The following KCTD16 variants were observed in gnomAD, a reference collection of about 807,000 sequenced individuals.
KCTD16 encodes potassium channel tetramerization domain containing 16, also known as BTB/POZ domain-containing protein KCTD16.
A neutral mutation model predicts 33.2 loss-of-function variants in KCTD16; 13 were observed. The observed-to-expected ratio is 0.39, with a 90% CI of 0.25 to 0.62. The LOEUF is 0.62. Among genes scored for constraint, KCTD16 ranks in the 20% least tolerant of loss-of-function variants. The pLI, the probability that KCTD16 is intolerant of heterozygous loss-of-function variation, is 0.50. For missense variants in KCTD16, 441 were observed against 525.1 expected (o/e 0.84, Z 1.57); for synonymous variants, 197 against 195.3 (o/e 1.01, Z -0.07).
intron 3 of KCTD16, among the ~76,000 whole-genome samples, chr5:144,441,201 A>G (rs897015202): frequency 2.6e-5 from 4 of 151,994 alleles, no homozygotes; most frequent in African/African-American, 4.8e-5. Flanking sequence ...ATTTCCTCCA[A>G]TTCCATGGGT....
intron 2 of KCTD16, among the ~76,000 whole-genome samples, chr5:144,181,675 G>A (rs1752628706): frequency 6.6e-6 from 1 of 152,202 alleles, no homozygotes; most frequent in African/African-American, 2.4e-5. Flanking sequence ...GTGACATAAA[G>A]CAGACATAGG....
intron 3 of KCTD16, among the ~76,000 whole-genome samples, chr5:144,316,738 C>A (rs1424881048): frequency 2.0e-5 from 3 of 151,680 alleles, no homozygotes; most frequent in African/African-American, 7.3e-5. Flanking sequence ...GTCTCAAATT[C>A]CTGACCTCAG....
intron 3 of KCTD16, among the ~76,000 whole-genome samples, chr5:144,218,355 T>C (rs10057828): frequency 0.084 from 12,763 of 152,124 alleles, 1,643 homozygotes; most frequent in African/African-American, 0.28. Context: ...GGAGAAAATA[T>C]TTAAATCTTT....
intron 3 of KCTD16, among the ~76,000 whole-genome samples, chr5:144,434,145 G>A (rs1400897333): frequency 1.3e-5 from 2 of 152,136 alleles, no homozygotes; most frequent in African/African-American, 2.4e-5. Context: ...ACCTGTTACA[G>A]TCAGCTTGTC....
intron 3 of KCTD16, among the ~76,000 whole-genome samples, chr5:144,254,236 A>G (rs536757066): frequency 9.9e-5 from 15 of 152,010 alleles, no homozygotes; most frequent in Non-Finnish European, 1.5e-4. Flanking sequence ...CCCCGGGTTC[A>G]TGCCATTCTC....
intron 3 of KCTD16, among the ~76,000 whole-genome samples, chr5:144,248,084 C>T (rs1458701491): frequency 6.6e-6 from 1 of 152,198 alleles, no homozygotes; most frequent in Admixed American, 6.5e-5. Context: ...ATGGAGCTTT[C>T]TTTCCATTTT....
At chr5:144,351,170 G>C (rs1456770962) in intron 3 of KCTD16, among the ~76,000 whole-genome samples, 1 of 152,102 alleles carries the variant, frequency 6.6e-6, no homozygotes, top group Non-Finnish European at 1.5e-5. Context: ...TTTGTCGTTT[G>C]TTCTCTGTCT....
chr5:144,368,436 A>G (rs1751888297), intron 3 of KCTD16, among the ~76,000 whole-genome samples: 1 of 152,146 alleles, frequency 6.6e-6, no homozygotes, highest in Non-Finnish European at 1.5e-5. Flanking sequence ...GGGAAAAGGA[A>G]TGTGGGTGGT....
intron 2 of KCTD16, among the ~76,000 whole-genome samples, chr5:144,186,027 T>C (rs1752718068): frequency 1.3e-5 from 2 of 152,146 alleles, no homozygotes; most frequent in South Asian, 2.1e-4. Flanking sequence ...AAGTCAAGAT[T>C]TGAACTCCAA....
chr5:144,259,813 C>T (rs1036013623), intron 3 of KCTD16, among the ~76,000 whole-genome samples: 2 of 152,180 alleles, frequency 1.3e-5, no homozygotes, highest in African/African-American at 4.8e-5. Context: ...AGCAAAAACC[C>T]TGTGGCCATC....
At chr5:144,329,502 G>A (rs1320687538) in intron 3 of KCTD16, among the ~76,000 whole-genome samples, 1 of 152,126 alleles carries the variant, frequency 6.6e-6, no homozygotes, top group African/African-American at 2.4e-5. Flanking sequence ...TGGAGCCCTT[G>A]CAGCATCTAA....
At chr5:144,223,799 A>G (rs1753839251) in intron 3 of KCTD16, among the ~76,000 whole-genome samples, 1 of 152,134 alleles carries the variant, frequency 6.6e-6, no homozygotes, top group Non-Finnish European at 1.5e-5. Flanking sequence ...AGTCCTAGGT[A>G]GAAGACAACA....
intron 2 of KCTD16, among the ~76,000 whole-genome samples, chr5:144,183,569 C>T (rs1342698842): frequency 6.6e-6 from 1 of 152,126 alleles, no homozygotes; most frequent in Admixed American, 6.5e-5. Context: ...CATTCTGTTC[C>T]TCTGCCACAT....
At chr5:144,328,510 T>A (rs1310024072) in intron 3 of KCTD16, among the ~76,000 whole-genome samples, 1 of 149,088 alleles carries the variant, frequency 6.7e-6, no homozygotes, top group Non-Finnish European at 1.5e-5. Context: ...CTCTTTTTTT[T>A]TTATTTTTTT....
At chr5:144,333,464 C>T (rs960421860) in intron 3 of KCTD16, among the ~76,000 whole-genome samples, 1 of 151,966 alleles carries the variant, frequency 6.6e-6, no homozygotes, top group Non-Finnish European at 1.5e-5. Context: ...AATAATAAGC[C>T]TTTATGTAGC....
chr5:144,342,995 G>A (rs1752687488), intron 3 of KCTD16, among the ~76,000 whole-genome samples: 2 of 152,104 alleles, frequency 1.3e-5, no homozygotes, highest in Admixed American at 1.3e-4. Flanking sequence ...ATTTTATTGA[G>A]GATTTTTGCA....
At chr5:144,265,110 A>T (rs1442217899) in intron 3 of KCTD16, among the ~76,000 whole-genome samples, 1 of 152,228 alleles carries the variant, frequency 6.6e-6, no homozygotes, top group Admixed American at 6.5e-5. Flanking sequence ...GTAAAAGGAA[A>T]TTGTTCCATT....
At chr5:144,194,287 G>T (rs1439930622) in intron 2 of KCTD16, among the ~76,000 whole-genome samples, 1 of 152,212 alleles carries the variant, frequency 6.6e-6, no homozygotes, top group Admixed American at 6.5e-5. Context: ...TGGTGACACT[G>T]ATAACTTGTC....
chr5:144,266,133 A>G (rs1441489040), intron 3 of KCTD16, among the ~76,000 whole-genome samples: 2 of 152,208 alleles, frequency 1.3e-5, no homozygotes, highest in Non-Finnish European at 2.9e-5. Flanking sequence ...GAATGACAAC[A>G]TTAATAATAC....
Sources: gnomAD v4.1 joint callset for allele counts (sites outside exome capture counted in the v4.1 genomes callset) on GRCh38, gnomAD v4.1.1 for gene constraint, MANE v1.5 for transcripts, NCBI Gene and HGNC (gene_info 2026-07-23, HGNC 2026-07-21) for gene names.